GTF2B: variants seen among roughly 807,000 people sequenced by gnomAD.
GTF2B encodes the protein transcription initiation factor IIB.
A neutral mutation model predicts 34.6 loss-of-function variants in GTF2B; 20 were observed. The ratio of observed to expected loss-of-function variants is 0.58; its 90% confidence interval spans 0.41 to 0.84. The LOEUF is 0.84. Among genes scored for constraint, GTF2B ranks in the 40% least tolerant of loss-of-function variants. GTF2B has a pLI of 0.00. For missense variants in GTF2B, 237 were observed against 393.3 expected, an observed-to-expected ratio of 0.60 and a Z score of 3.36; for synonymous variants, 142 against 132.4, an observed-to-expected ratio of 1.07 and a Z score of -0.50.
intron 2 of GTF2B, among the ~76,000 whole-genome samples, chr1:88,867,170 T>C (rs1332800615): frequency 6.6e-6 from 1 of 152,204 alleles, no homozygotes; most frequent in African/African-American, 2.4e-5. Flanking sequence ...TTTTACAAAA[T>C]ATTTGCTCAC....
chr1:88,874,109 T>C (rs1673760298), intron 2 of GTF2B, among the ~76,000 whole-genome samples: 1 of 152,104 alleles, frequency 6.6e-6, no homozygotes, highest in Admixed American at 6.6e-5. Flanking sequence ...TCCTCTTTAC[T>C]ATGCAAGCAA....
At chr1:88,879,149 T>C (rs1356473151) in intron 2 of GTF2B, among the ~76,000 whole-genome samples, 1 of 152,124 alleles carries the variant, frequency 6.6e-6, no homozygotes, top group Non-Finnish European at 1.5e-5. Flanking sequence ...AGATTGGTGG[T>C]GGGTGGGCCT....
In GTF2B at chr1:88,889,056, G is replaced by C. The variant is rs1674136347; in HGVS notation, c.18-1689C>G. ...AAAGGTAAAAGCAAGGTAGTGAATGGAGTTTAAATTAGGTCACTTTCGTGG... is the reference window on the plus strand; with the variant it reads ...AAAGGTAAAAGCAAGGTAGTGAATGCAGTTTAAATTAGGTCACTTTCGTGG... On this transcript the variant is annotated intron_variant, in intron 1 of 6. Transcript: ENST00000370500. 2.0e-5 allele frequency among the ~76,000 whole-genome samples: 3 copies of C among 152,178 alleles called. No individual in the cohort carries two copies. The South Asian group carries it at 6.2e-4, about 32-fold the overall frequency.
At position 88,859,815 on chromosome 1, in the gene GTF2B, G is replaced by A. The variant is rs149979499; in HGVS notation, c.535+67C>T. The stretch of plus-strand genomic sequence containing the variant: ...TGCGCCACTGCACTCTGGCCTGGGC[G>A]ACAAAGTGAGACCCTATCTCAAACA... On this transcript the variant is annotated intron_variant, in intron 5 of 6. Coordinates refer to ENST00000370500, the MANE Select transcript of GTF2B (RefSeq NM_001514.6). 4.8e-3 allele frequency: 7,075 copies of A among 1,463,236 alleles called. 251 individuals are homozygous for A. In the African/African-American group the frequency reaches 0.084, roughly 17 times the overall value. The allele number at this position is 1,463,236 out of a possible 1,614,324, so 90.6% of individuals were successfully genotyped here. A position where few individuals can be genotyped will look rare whatever the true frequency, so the allele number is the denominator to read the frequency against.
rs541032590 is a variant in GTF2B at position 88,874,493 on chromosome 1, T to C, written c.125-10379A>G. On this transcript the variant is annotated intron_variant, in intron 2 of 6. Transcript: ENST00000370500. ...GGCTTGCGCCACCACACACAGCTAA[T>C]TAAATTTTTTTTTTTTTTTTTTTTT... Among the ~76,000 whole-genome samples, 12 of 116,034 alleles carry C rather than the reference T, an allele frequency of 1.0e-4. 1 individual carries two copies. The East Asian group carries it at 3.1e-3, about 30-fold the overall frequency. The allele number at this position is 116,034 out of a possible 152,430, so 76.1% of individuals were successfully genotyped here.
At chr1:88,857,172 G>C in intron 6 of GTF2B, 34 bp downstream of exon 6, 2 of 1,565,474 alleles carry the variant, frequency 1.3e-6, no homozygotes, top group Non-Finnish European at 1.7e-6. Flanking sequence ...GCAAATTTCA[G>C]TTTACTGCCA....
chr1:88,873,054 C>T (rs1206796488), intron 2 of GTF2B, among the ~76,000 whole-genome samples: 1 of 152,038 alleles, frequency 6.6e-6, no homozygotes, highest in Admixed American at 6.6e-5. Flanking sequence ...AAAGAATTGT[C>T]AATCCAATCC....
intron 2 of GTF2B, among the ~76,000 whole-genome samples, chr1:88,870,255 G>A (rs1198649438): frequency 6.6e-6 from 1 of 152,170 alleles, no homozygotes; most frequent in Non-Finnish European, 1.5e-5. Flanking sequence ...TGAGAGAAAC[G>A]GTCTTTGTAT....
chr1:88,856,984 A>C (rs1173533890), intron 6 of GTF2B, among the ~76,000 whole-genome samples: 1 of 152,012 alleles, frequency 6.6e-6, no homozygotes, highest in Non-Finnish European at 1.5e-5. Context: ...TATTTTTAGT[A>C]GAGATGGGGT....
At chr1:88,884,482 G>C (rs540276415) in intron 2 of GTF2B, among the ~76,000 whole-genome samples, 54 of 152,132 alleles carry the variant, frequency 3.5e-4, no homozygotes, top group Non-Finnish European at 5.9e-4. Flanking sequence ...AACTGTTCTT[G>C]GTGAGATGCT....
intron 2 of GTF2B, among the ~76,000 whole-genome samples, chr1:88,880,340 T>C (rs971040720): frequency 2.6e-5 from 4 of 152,228 alleles, no homozygotes; most frequent in African/African-American, 9.6e-5. Flanking sequence ...CCTTGATTTC[T>C]TCCCCATTTT....
At chr1:88,870,206 G>C (rs575223168) in intron 2 of GTF2B, among the ~76,000 whole-genome samples, 1 of 152,176 alleles carries the variant, frequency 6.6e-6, no homozygotes. Flanking sequence ...GATTACAGGC[G>C]TGAGCCACCG....
At chr1:88,881,886 G>A (rs1051371997) in intron 2 of GTF2B, among the ~76,000 whole-genome samples, 1 of 152,042 alleles carries the variant, frequency 6.6e-6, no homozygotes, top group African/African-American at 2.4e-5. Flanking sequence ...GGAATTCCAA[G>A]CACAAGAAAG....
intron 4 of GTF2B, 28 bp downstream of exon 4, chr1:88,860,112 G>A: frequency 1.2e-6 from 2 of 1,613,164 alleles, no homozygotes; most frequent in Admixed American, 1.7e-5. Flanking sequence ...ATGCCAGAAT[G>A]GCTTAAAGGA....
rs765782387 is a variant in GTF2B at position 88,891,512 on chromosome 1, T to G, written c.-13A>C. 6.2e-7 allele frequency: 1 copy of G among 1,602,098 alleles called. No homozygotes were observed. Among genetic ancestry groups the G allele is most frequent in the East Asian group, 2.3e-5 (1 of 44,218 alleles). On this transcript the variant is annotated 5_prime_UTR_variant, in exon 1 of 7. Coordinates refer to ENST00000370500, the MANE Select transcript of GTF2B (RefSeq NM_001514.6). ...TGGTAGACGCCATCTTCACGGCGAC[T>G]GCGGTGCCCGCAACAAGACACAACA...
chr1:88,877,789 G>C (rs1036810820), intron 2 of GTF2B, among the ~76,000 whole-genome samples: 1 of 152,152 alleles, frequency 6.6e-6, no homozygotes, highest in African/African-American at 2.4e-5. Flanking sequence ...AAAATTAGTT[G>C]GGCATGGTGG....
chr1:88,880,597 T>C (rs531298912), intron 2 of GTF2B, among the ~76,000 whole-genome samples: 36 of 152,274 alleles, frequency 2.4e-4, no homozygotes, highest in Admixed American at 2.4e-3. Flanking sequence ...CATTCACATA[T>C]ATGGCAGGGT....
At chr1:88,869,759 T>C (rs1673646634) in intron 2 of GTF2B, among the ~76,000 whole-genome samples, 1 of 152,230 alleles carries the variant, frequency 6.6e-6, no homozygotes, top group Admixed American at 6.5e-5. Context: ...TCCAAGTAGC[T>C]GGGATTACAG....
intron 2 of GTF2B, among the ~76,000 whole-genome samples, chr1:88,881,061 T>G (rs1425806313): frequency 2.1e-5 from 3 of 142,594 alleles, no homozygotes; most frequent in Non-Finnish European, 4.5e-5. Flanking sequence ...TGGTCAGACA[T>G]GCCCCACAAA....
Sources: allele counts gnomAD v4.1 joint callset (sites outside exome capture counted in the v4.1 genomes callset), GRCh38; gene constraint gnomAD v4.1.1; transcripts MANE v1.5; gene names NCBI Gene and HGNC (gene_info 2026-07-23, HGNC 2026-07-21).